The following ARSG variants were observed in gnomAD, a reference collection of about 807,000 sequenced individuals.
The protein encoded by ARSG is arylsulfatase G.
A neutral mutation model predicts 50.5 loss-of-function variants in ARSG; 37 were observed. The ratio of observed to expected loss-of-function variants is 0.73; its 90% CI spans 0.56 to 0.96. The LOEUF (loss-of-function observed/expected upper bound fraction) is 0.96, where lower values mean the gene tolerates loss of function less well. Ranked by LOEUF, ARSG falls within the 50% of genes least tolerant of loss-of-function variation. ARSG has a pLI of 0.00. For missense variants in ARSG, 629 were observed against 675.3 expected, an observed-to-expected ratio of 0.93 and a Z score of 0.76; for synonymous variants, 225 against 254.6, an observed-to-expected ratio of 0.88 and a Z score of 1.11.
At chr17:68,360,656 G>A (rs2079239143) in intron 6 of ARSG, among the ~76,000 whole-genome samples, 1 of 152,194 alleles carries the variant, frequency 6.6e-6, no homozygotes, top group South Asian at 2.1e-4. Context: ...ATGGGAAAAG[G>A]AGCCGGTAGA....
chr17:68,419,838 G>T (rs2082649192), intron 11 of ARSG, among the ~76,000 whole-genome samples: 1 of 150,998 alleles, frequency 6.6e-6, no homozygotes, highest in African/African-American at 2.4e-5. Context: ...CATGCCTGTA[G>T]CCCCATCTAC....
intron 4 of ARSG, among the ~76,000 whole-genome samples, chr17:68,350,944 C>T (rs934599267): frequency 6.6e-6 from 1 of 152,116 alleles, no homozygotes; most frequent in Admixed American, 6.6e-5. Flanking sequence ...CTCCACCACT[C>T]CAAGCCCAAA....
intron 2 of ARSG, among the ~76,000 whole-genome samples, chr17:68,315,421 G>C (rs189211286): frequency 3.3e-5 from 5 of 152,136 alleles, no homozygotes; most frequent in Admixed American, 1.3e-4. Context: ...TACCTACTCC[G>C]GAGGCGGAGT....
chr17:68,450,985 C>A, the ARSG span: 1 of 1,503,436 alleles, frequency 6.7e-7, no homozygotes, highest in East Asian at 2.4e-5. Flanking sequence ...CGGCGCAGGC[C>A]AGGTTCCAAA....
In ARSG at chr17:68,271,670, G is replaced by A. The variant is rs782238996; in HGVS notation, c.-552+12244G>A. 1.0e-4 allele frequency: 164 copies of A among 1,600,562 alleles called. No homozygotes were observed. The highest frequency in any genetic ancestry group is 1.7e-4 in the Middle Eastern group (1 of 6,036). On this transcript the variant is annotated intron_variant, in intron 1 of 11. Transcript: ENST00000448504. This position sits in a 1 kb window ranked among gnomAD's most constrained non-coding sequence, Gnocchi z 5.3. ...GCCATGATTGCTTGAATAGGCAGGA[G>A]TGAAGAAGAAATAATATAAGGTCAA... is the stretch of plus-strand genomic sequence containing the variant.
At chr17:68,402,551 G>A (rs1479194059) in intron 11 of ARSG, among the ~76,000 whole-genome samples, 1 of 150,112 alleles carries the variant, frequency 6.7e-6, no homozygotes, top group African/African-American at 2.5e-5. Context: ...TTGAGATGGA[G>A]TCTCGCTCTG....
the ARSG span, chr17:68,435,536 C>T: frequency 7.5e-7 from 1 of 1,335,460 alleles, no homozygotes; most frequent in African/African-American, 1.4e-5. Context: ...CTTCATGTCA[C>T]CAGGTTTGTT....
intron 7 of ARSG, 94 bp from the exon 8 acceptor site, chr17:68,370,350 C>A: frequency 9.2e-7 from 1 of 1,091,074 alleles, no homozygotes; most frequent in Non-Finnish European, 1.4e-6. Flanking sequence ...CTATCTAGTT[C>A]CTGCTCTGCG....
At chr17:68,369,847 A>G (rs2079736915) in intron 7 of ARSG, among the ~76,000 whole-genome samples, 1 of 152,136 alleles carries the variant, frequency 6.6e-6, no homozygotes, top group Admixed American at 6.5e-5. Context: ...CAAAAAGGCA[A>G]GAGAGGAAAG....
At chr17:68,430,147 G>C in the ARSG span, 1 of 1,613,256 alleles carries the variant, frequency 6.2e-7, no homozygotes, top group East Asian at 2.2e-5. Flanking sequence ...CAGGTCGAAG[G>C]CTCTTCTGGT....
the ARSG span, among the ~76,000 whole-genome samples, chr17:68,434,332 A>T: frequency 2.0e-5 from 3 of 152,154 alleles, no homozygotes; most frequent in African/African-American, 7.2e-5. Context: ...CACACATCAA[A>T]AAGGGACTCT....
Position 68,367,836 on chromosome 17 carries a change from C to T in ARSG, c.705-712C>T, listed in dbSNP as rs541679360. Reference sequence around the variant, plus strand: ...CTGTAATCCCAGCACTTTGGGAGGCCGAGGAGGGCAGCTCACCCGAGGTCA... The same window carrying T: ...CTGTAATCCCAGCACTTTGGGAGGCTGAGGAGGGCAGCTCACCCGAGGTCA... On this transcript the variant is annotated intron_variant, in intron 6 of 11. Transcript: ENST00000621439. This position sits in a 1 kb window ranked among gnomAD's most constrained non-coding sequence, Gnocchi z 4.5. 6.6e-6 allele frequency among the ~76,000 whole-genome samples: 1 copy of T among 152,184 alleles called. No individual in the cohort carries two copies. Among genetic ancestry groups the T allele is most frequent in the Middle Eastern group, 3.4e-3 (1 of 294 alleles).
intron 8 of ARSG, among the ~76,000 whole-genome samples, chr17:68,371,204 C>T (rs1472752576): frequency 6.6e-6 from 1 of 151,120 alleles, no homozygotes; most frequent in Non-Finnish European, 1.5e-5. Context: ...CCTGTAGTCC[C>T]AGCTACTCAG....
intron 1 of ARSG, among the ~76,000 whole-genome samples, chr17:68,294,785 T>G (rs1422018283): frequency 6.6e-6 from 1 of 152,168 alleles, no homozygotes; most frequent in Non-Finnish European, 1.5e-5. Context: ...CTAGCAACAG[T>G]GAACCGATGG....
intron 1 of ARSG, among the ~76,000 whole-genome samples, chr17:68,306,213 G>C (rs1472020850): frequency 6.6e-6 from 1 of 151,934 alleles, no homozygotes; most frequent in Non-Finnish European, 1.5e-5. Flanking sequence ...TGTTGGTCAG[G>C]CTGGTCTCAA....
At chr17:68,421,656 C>G, downstream of ARSG, 6 of 1,455,304 alleles carry the variant, frequency 4.1e-6, no homozygotes, top group Non-Finnish European at 5.8e-6. Context: ...AGTGGAGCAC[C>G]CGGGATTCCT....
intron 5 of ARSG, among the ~76,000 whole-genome samples, chr17:68,354,544 A>G (rs963382791): frequency 6.6e-6 from 1 of 152,198 alleles, no homozygotes; most frequent in African/African-American, 2.4e-5. Context: ...AAGCTGAAAA[A>G]TTCAACATAA....
At chr17:68,426,242 T>TGGGGGG (rs754701731), downstream of ARSG, 135 of 682,668 alleles carry the variant, frequency 2.0e-4, 25 homozygotes, top group Middle Eastern at 4.9e-4. Context: ...ACCTGGCGGG[T>TGGGGGG]GGGGAGCGGG....
At chr17:68,344,480 CTTA>C (rs2078418068) in intron 3 of ARSG, among the ~76,000 whole-genome samples, 1 of 152,234 alleles carries the variant, frequency 6.6e-6, no homozygotes, top group Non-Finnish European at 1.5e-5. Context: ...TTAGGCATCT[CTTA>C]CTCAGCATTT....
Sources: allele counts gnomAD v4.1 joint callset (sites outside exome capture counted in the v4.1 genomes callset), GRCh38; gene constraint gnomAD v4.1.1; non-coding constraint Gnocchi (gnomAD v3.1); transcripts MANE v1.5; gene names NCBI Gene and HGNC (gene_info 2026-07-23, HGNC 2026-07-21).